The following USP42 variants were observed in gnomAD, a reference collection of about 807,000 sequenced individuals.
USP42 encodes the protein ubiquitin carboxyl-terminal hydrolase 42.
A neutral mutation model predicts 113.0 loss-of-function variants in USP42; 23 were observed. The observed-to-expected ratio is 0.20, with a 90% confidence interval of 0.15 to 0.29. The LOEUF (loss-of-function observed/expected upper bound fraction) is 0.29. USP42 is among the 10% of genes least tolerant of loss of function. USP42 has a pLI of 1.00. For missense variants in USP42, 2,174 were observed against 1,779.8 expected (o/e 1.22, Z -3.99); for synonymous variants, 933 against 699.0 (o/e 1.33, Z -5.28).
At chr7:6,125,304 T>C (rs1271757655) in intron 3 of USP42, among the ~76,000 whole-genome samples, 1 of 151,048 alleles carries the variant, frequency 6.6e-6, no homozygotes. Context: ...GCCTGGTCAA[T>C]ATGGTGAAAC....
intron 4 of USP42, among the ~76,000 whole-genome samples, chr7:6,136,937 C>G (rs926722409): frequency 2.0e-5 from 3 of 151,896 alleles, no homozygotes; most frequent in African/African-American, 7.3e-5. Context: ...CTATGCCCAA[C>G]TTAATTACAG....
the USP42 span, among the ~76,000 whole-genome samples, chr7:6,081,423 C>T: frequency 1.3e-5 from 2 of 152,178 alleles, no homozygotes; most frequent in Non-Finnish European, 2.9e-5. Context: ...TTCCACTTTG[C>T]GCTCGCGGGC....
the USP42 span, among the ~76,000 whole-genome samples, chr7:6,087,754 C>G: frequency 6.6e-6 from 1 of 151,050 alleles, no homozygotes; most frequent in African/African-American, 2.5e-5. Context: ...CCTTTATTCC[C>G]TTTTATTCTC....
At chr7:6,127,089 T>C (rs372363550) in intron 3 of USP42, among the ~76,000 whole-genome samples, 1 of 152,232 alleles carries the variant, frequency 6.6e-6, no homozygotes, top group African/African-American at 2.4e-5. Context: ...TTAAAGGTAT[T>C]GAACATCTTT....
chr7:6,092,054 T>TTCTTCTTCTTCTTCTTTC, the USP42 span, among the ~76,000 whole-genome samples: 1 of 37,908 alleles, frequency 2.6e-5, no homozygotes, highest in African/African-American at 7.4e-5. Flanking sequence ...CTTCTTCTTC[T>TTCTTCTTCTTCTTCTTTC]TTCTTCTTCT....
At position 6,156,756 on chromosome 7, in the gene USP42, A is replaced by C. The variant is rs1782467329; in HGVS notation, c.3644A>C (p.His1215Pro). 6.5e-7 allele frequency: 1 copy of C among 1,536,426 alleles called. No homozygotes were observed. Among genetic ancestry groups the C allele is most frequent in the Non-Finnish European group, 8.7e-7 (1 of 1,146,592 alleles). The change falls in exon 16 of 18, where the codon CAT (histidine) becomes CCT (proline). Residue 1215 changes from histidine to proline, a missense_variant and splice_region_variant. By Grantham distance (77) the His-to-Pro change is moderately conservative (BLOSUM62 -2). Transcript: ENST00000306177. The part of the protein sequence containing the change: ...KDKHRDRDSR[H>P]QQDSDLSAAC... Reference sequence around the variant, plus strand: ...AATTCTGGCTTTTCCTTCTGCAGGCATCAGCAGGACTCAGACCTCTCAGCA... The same window carrying C: ...AATTCTGGCTTTTCCTTCTGCAGGCCTCAGCAGGACTCAGACCTCTCAGCA...
In USP42 at chr7:6,159,925, C is replaced by T. The variant is rs538892894; in HGVS notation, c.*36+432C>T. Among the ~76,000 whole-genome samples, 7 of 152,350 alleles carry T rather than the reference C, an allele frequency of 4.6e-5. No individual in the cohort carries two copies. Among genetic ancestry groups the T allele is most frequent in the Admixed American group, 1.3e-4 (2 of 15,304 alleles). On this transcript the variant is annotated intron_variant, in intron 17 of 17. Transcript: ENST00000306177. The surrounding 1 kb of genome is among the most constrained non-coding windows in gnomAD (Gnocchi z 4.1). ...GTCCCCTGTGCTGCTGTCTGCGCCC[C>T]GAGGTGGCACTGAGCTGGAGCCAGC... is the stretch of plus-strand genomic sequence containing the variant.
intron 4 of USP42, among the ~76,000 whole-genome samples, chr7:6,136,430 A>G (rs921040765): frequency 1.3e-5 from 2 of 152,236 alleles, no homozygotes; most frequent in South Asian, 2.1e-4. Flanking sequence ...AACATTTGCT[A>G]TATAAACACA....
chr7:6,098,223 T>C, the USP42 span, among the ~76,000 whole-genome samples: 1 of 150,136 alleles, frequency 6.7e-6, no homozygotes, highest in Non-Finnish European at 1.5e-5. Context: ...ATTTCTATTG[T>C]CAAATACCAG....
the USP42 span, chr7:6,088,816 C>T: frequency 6.6e-6 from 1 of 150,990 alleles, no homozygotes; most frequent in Non-Finnish European, 1.5e-5. Context: ...CTGAAGTGTT[C>T]CAAGCATAGA....
At chr7:6,135,214 T>G (rs768988496) in intron 3 of USP42, among the ~76,000 whole-genome samples, 2 of 152,202 alleles carry the variant, frequency 1.3e-5, no homozygotes, top group Non-Finnish European at 2.9e-5. Context: ...GGCTTTCAAA[T>G]TTGAAAGAGT....
chr7:6,092,475 G>A, the USP42 span, among the ~76,000 whole-genome samples: 2 of 150,928 alleles, frequency 1.3e-5, no homozygotes, highest in African/African-American at 5.0e-5. Context: ...CACCACGCCC[G>A]GCCTCAAGGA....
chr7:6,083,428 G>T, the USP42 span, among the ~76,000 whole-genome samples: 1 of 149,252 alleles, frequency 6.7e-6, no homozygotes, highest in African/African-American at 2.5e-5. Context: ...GCTAATTTTT[G>T]TATTTTTAGT....
At chr7:6,131,795 G>A (rs187366241) in intron 3 of USP42, among the ~76,000 whole-genome samples, 1 of 152,232 alleles carries the variant, frequency 6.6e-6, no homozygotes, top group Non-Finnish European at 1.5e-5. Context: ...AGCCTTTTAA[G>A]GTTCATTTTA....
At chr7:6,144,345 T>C (rs920026622) in intron 9 of USP42, 149 bp downstream of exon 9, 3 of 594,520 alleles carry the variant, frequency 5.0e-6, no homozygotes, top group Admixed American at 7.7e-5. Flanking sequence ...GTTTTGTTGG[T>C]ACCCGTGGTT....
At chr7:6,085,521 C>A in the USP42 span, among the ~76,000 whole-genome samples, 1 of 149,680 alleles carries the variant, frequency 6.7e-6, no homozygotes, top group Admixed American at 6.7e-5. Context: ...ATGTATAACT[C>A]ATATAGATTA....
upstream of USP42, among the ~76,000 whole-genome samples, chr7:6,103,751 A>C (rs961614921): frequency 1.1e-4 from 17 of 149,680 alleles, 1 homozygote; most frequent in African/African-American, 2.3e-4. Flanking sequence ...AAAAAAAAAA[A>C]AAAACAAAAC....
At chr7:6,143,706 A>T (rs1426299660) in intron 8 of USP42, among the ~76,000 whole-genome samples, 1 of 151,964 alleles carries the variant, frequency 6.6e-6, no homozygotes, top group South Asian at 2.1e-4. Context: ...TTCATATAAT[A>T]ATTATTATTA....
the USP42 span, among the ~76,000 whole-genome samples, chr7:6,095,836 C>T: frequency 6.6e-6 from 1 of 150,970 alleles, no homozygotes; most frequent in African/African-American, 2.5e-5. Context: ...GGTCACATCT[C>T]ACTGCAGTCT....
Sources: allele counts gnomAD v4.1 joint callset (sites outside exome capture counted in the v4.1 genomes callset), GRCh38; gene constraint gnomAD v4.1.1; non-coding constraint Gnocchi (gnomAD v3.1); transcripts MANE v1.5; gene names NCBI Gene and HGNC (gene_info 2026-07-23, HGNC 2026-07-21).